The following DGCR8 variants were observed in gnomAD, a reference collection of about 807,000 sequenced individuals.
DGCR8 encodes microprocessor complex subunit DGCR8.
A neutral mutation model predicts 78.5 loss-of-function variants in DGCR8; 14 were observed. The ratio of observed to expected loss-of-function variants is 0.18; its 90% CI spans 0.12 to 0.28. The LOEUF is 0.28. Ranked by LOEUF, DGCR8 falls within the 10% of genes least tolerant of loss-of-function variation. The pLI is 1.00. For synonymous variants in DGCR8, 399 were observed against 402.4 expected (o/e 0.99, Z 0.10); for missense variants, 702 against 1,022.5 (o/e 0.69, Z 4.28).
rs2049523629 is a variant in DGCR8, at chr22:20,089,145, T to C, written c.881-524T>C. 6.6e-6 allele frequency among the ~76,000 whole-genome samples: 1 copy of C among 152,240 alleles called. No individual in the cohort carries two copies. The highest frequency in any genetic ancestry group is 1.5e-5 in the Non-Finnish European group (1 of 68,036). On this transcript the variant is annotated intron_variant, in intron 3 of 13. Transcript: ENST00000351989. This position sits in a 1 kb window ranked among gnomAD's most constrained non-coding sequence, Gnocchi z 4.9. ...TAAACCTCTTCCTCACAACTGCCTA[T>C]AAAGCAAAGAAGGGGTTGGGAGTAG... is the stretch of plus-strand genomic sequence containing the variant.
intron 1 of DGCR8, chr22:20,080,605 G>A (rs1164403520): frequency 7.5e-6 from 4 of 532,672 alleles, no homozygotes; most frequent in Admixed American, 1.3e-4. Flanking sequence ...AGGCGTTGCC[G>A]ACTCTCGTCG....
rs1318893096 is a variant in DGCR8, at chr22:20,102,081, T to C, written c.1789-4096T>C. 1.2e-5 allele frequency: 6 copies of C among 496,068 alleles called. No individual in the cohort carries two copies. The East Asian group carries it at 6.2e-4, about 51-fold the overall frequency. The allele number at this position is 496,068 out of a possible 1,614,324, so 30.7% of individuals were successfully genotyped here. A position where few individuals can be genotyped will look rare whatever the true frequency, so the allele number is the denominator to read the frequency against. ...TAGGTATTAGTGACCAAGTGTTTTC[T>C]TTTTTTTTTTTCATCTTATTTTAAA... On this transcript the variant is annotated intron_variant, in intron 9 of 13. Coordinates refer to ENST00000351989, the MANE Select transcript of DGCR8 (RefSeq NM_022720.7).
At chr22:20,109,150 T>C in intron 13 of DGCR8, 147 bp downstream of exon 13, 1 of 569,118 alleles carries the variant, frequency 1.8e-6, no homozygotes, top group Non-Finnish European at 3.2e-6. Flanking sequence ...AGGCTTTTCT[T>C]TGAGCTTCGA....
In DGCR8 at chr22:20,086,883, T is replaced by G. The variant is rs527401662; in HGVS notation, c.720+200T>G. On this transcript the variant is annotated intron_variant, in intron 2 of 13. Coordinates refer to ENST00000351989, the MANE Select transcript of DGCR8 (RefSeq NM_022720.7). The surrounding 1 kb of genome is among the most constrained non-coding windows in gnomAD (Gnocchi z 6.4). ...TTTTAAAGTTTCCTAATGAAAAGTT[T>G]GGCCCATGGGTAGGCCCTGCATCCC... 1 of 811,900 alleles carries G rather than the reference T, an allele frequency of 1.2e-6. No individual in the cohort carries two copies. Among genetic ancestry groups the G allele is most frequent in the African/African-American group, 1.7e-5 (1 of 57,794 alleles). The allele number at this position is 811,900 out of a possible 1,614,324, so 50.3% of individuals were successfully genotyped here.
intron 11 of DGCR8, 33 bp from the exon 12 acceptor site, chr22:20,107,238 C>G: frequency 6.2e-7 from 1 of 1,613,816 alleles, no homozygotes; most frequent in Non-Finnish European, 8.5e-7. Flanking sequence ...GTGTTTGTGA[C>G]CCCCTCTCCA....
At position 20,080,242 on chromosome 22, in the gene DGCR8, T is replaced by C; in HGVS notation, c.-419T>C. The stretch of plus-strand genomic sequence containing the variant: ...GGCCGCACGCCGCGAAGGCCCGCCC[T>C]CCGCTCGCCCGGCGCGGCAGGCGGG... On this transcript the variant is annotated 5_prime_UTR_variant, in exon 1 of 14. Coordinates refer to ENST00000351989, the MANE Select transcript of DGCR8 (RefSeq NM_022720.7). The C allele has an allele frequency of 1.0e-6, 1 of 966,820 alleles. No homozygotes were observed. The highest frequency in any genetic ancestry group is 1.2e-4 in the East Asian group (1 of 8,674). 59.9% of individuals were successfully genotyped at this position (966,820 alleles called of 1,614,324 possible).
At chr22:20,083,535 G>A (rs1475594439) in intron 1 of DGCR8, among the ~76,000 whole-genome samples, 5 of 151,996 alleles carry the variant, frequency 3.3e-5, no homozygotes, top group East Asian at 1.9e-4. Flanking sequence ...CAGTGCCGCC[G>A]CTTGGCCCCA....
Position 20,091,508 on chromosome 22 carries a change from T to A in DGCR8, c.1380T>A (p.Thr460=), listed in dbSNP as rs1395829790. ...AAGTTACTGTGAAAAAATTCAGGACTTGGGCTGAGCGGCGGCAATTCAATC... is the reference window on the plus strand; with the variant it reads ...AAGTTACTGTGAAAAAATTCAGGACATGGGCTGAGCGGCGGCAATTCAATC... ...FEQVTVKKFR[T]WAERRQFNRE... is the part of the protein sequence containing the mutation. The change falls in exon 6 of 14, where the codon ACT becomes ACA. Residue 460 remains threonine (T), a synonymous_variant. Transcript: ENST00000351989. 1.2e-6 allele frequency: 2 copies of A among 1,614,096 alleles called. No homozygotes were observed. The highest frequency in any genetic ancestry group is 2.7e-5 in the African/African-American group (2 of 74,942).
intron 1 of DGCR8, chr22:20,080,609 C>G (rs117896217): frequency 0.013 from 6,326 of 500,346 alleles, 62 homozygotes; most frequent in Non-Finnish European, 0.015. Flanking sequence ...GTTGCCGACT[C>G]TCGTCGCTGT....
Position 20,108,960 on chromosome 22 carries a change from T to A in DGCR8, c.2195T>A (p.Leu732His). The change falls in exon 13 of 14, where the codon CTC becomes CAC. Residue 732 changes from leucine to histidine, a missense_variant. Around this residue, in one of 4 missense-constraint regions of DGCR8, gnomAD observed 225 missense variants for 427.7 expected, o/e 0.53. Transcript: ENST00000351989. ...AAGAACAAGCCCAACCTGCACATCC[T>A]CAGCAAGCTCCAAGAGGAGATGAAG... ...AKKNKPNLHI[L>H]SKLQEEMKRL... 1 of 1,611,128 alleles carries A rather than the reference T, an allele frequency of 6.2e-7. No individual in the cohort carries two copies. Among genetic ancestry groups the A allele is most frequent in the Non-Finnish European group, 8.5e-7 (1 of 1,177,544 alleles).
At chr22:20,108,503 C>T in intron 12 of DGCR8, 1 of 219,378 alleles carries the variant, frequency 4.6e-6, no homozygotes, top group Non-Finnish European at 9.3e-6. Context: ...AGCTCAGTGC[C>T]TGAGGCTGAT....
At chr22:20,103,474 C>G (rs948713248) in intron 9 of DGCR8, among the ~76,000 whole-genome samples, 1 of 152,256 alleles carries the variant, frequency 6.6e-6, no homozygotes, top group East Asian at 1.9e-4. Context: ...CTGTAGATTC[C>G]TTATCCAGTT....
At chr22:20,093,765 C>G (rs550454614) in intron 8 of DGCR8, among the ~76,000 whole-genome samples, 86 of 152,346 alleles carry the variant, frequency 5.6e-4, no homozygotes, top group African/African-American at 1.8e-3. Flanking sequence ...CATGCCCTTG[C>G]CGTTTGCATT....
Position 20,102,170 on chromosome 22 carries a change from T to G in DGCR8, c.1789-4007T>G, listed in dbSNP as rs549955117. 211 of 628,298 alleles carry G rather than the reference T, an allele frequency of 3.4e-4. 1 individual carries two copies. In the South Asian group the frequency reaches 0.014, roughly 41 times the overall value. 38.9% of individuals were successfully genotyped at this position (628,298 alleles called of 1,614,324 possible). The stretch of plus-strand genomic sequence containing the variant: ...GTGAGTTTTGACAAATACACAGTCA[T>G]GTAACCAACACTGCAATCAAGATGC... On this transcript the variant is annotated intron_variant, in intron 9 of 13. Transcript: ENST00000351989.
At chr22:20,106,067 G>A (rs1414900056) in intron 9 of DGCR8, 110 bp from the exon 10 acceptor site, 24 of 797,134 alleles carry the variant, frequency 3.0e-5, no homozygotes, top group East Asian at 2.7e-4. Flanking sequence ...AGTGCTAGGC[G>A]AGCTCACAAG....
chr22:20,080,278 C>G lies in DGCR8; in HGVS notation c.-383C>G, dbSNP rs1465511893. The G allele has an allele frequency of 6.1e-6, 6 of 980,660 alleles. No homozygotes were observed. The highest frequency in any genetic ancestry group is 7.2e-6 in the Non-Finnish European group (6 of 827,922). 60.7% of individuals were successfully genotyped at this position (980,660 alleles called of 1,614,324 possible). A position where few individuals can be genotyped will look rare whatever the true frequency, so the allele number is the denominator to read the frequency against. Reference sequence around the variant, plus strand: ...GGCGCGGCAGGCGGGTGCCGGCGACCGGAGAGCCTGGACAGGCTTTCCAGA... The same window carrying G: ...GGCGCGGCAGGCGGGTGCCGGCGACGGGAGAGCCTGGACAGGCTTTCCAGA... On this transcript the variant is annotated 5_prime_UTR_variant, in exon 1 of 14. Coordinates refer to ENST00000351989, the MANE Select transcript of DGCR8 (RefSeq NM_022720.7).
chr22:20,087,844 G>T lies in DGCR8; in HGVS notation c.880+523G>T, dbSNP rs908667568. 1.3e-5 allele frequency among the ~76,000 whole-genome samples: 2 copies of T among 152,180 alleles called. No homozygotes were observed. Among genetic ancestry groups the T allele is most frequent in the African/African-American group, 4.8e-5 (2 of 41,452 alleles). On this transcript the variant is annotated intron_variant, in intron 3 of 13. Coordinates refer to ENST00000351989, the MANE Select transcript of DGCR8 (RefSeq NM_022720.7). The surrounding 1 kb of genome is among the most constrained non-coding windows in gnomAD (Gnocchi z 4.1). ...AGGGTGGAAGTGCCCTGGTCGACGT[G>T]GCACTTCCTCAACTTTGAGTTGAGG...
intron 1 of DGCR8, among the ~76,000 whole-genome samples, chr22:20,080,970 C>T (rs1472654853): frequency 3.9e-5 from 6 of 152,192 alleles, no homozygotes; most frequent in Non-Finnish European, 8.8e-5. Context: ...TGTTCCTGCA[C>T]GGCAGTCCTG....
At chr22:20,109,181 A>G in intron 13 of DGCR8, 178 bp downstream of exon 13, 1 of 500,314 alleles carries the variant, frequency 2.0e-6, no homozygotes, top group Non-Finnish European at 3.7e-6. Flanking sequence ...AGTTTTATAA[A>G]TCACTTCAGT....
Sources: gnomAD v4.1 joint callset for allele counts (sites outside exome capture counted in the v4.1 genomes callset) on GRCh38, gnomAD v4.1.1 for gene constraint, gnomAD v4.1.1 regional missense constraint, Gnocchi (gnomAD v3.1) non-coding constraint, MANE v1.5 for transcripts, NCBI Gene and HGNC (gene_info 2026-07-23, HGNC 2026-07-21) for gene names.